Variants in EMC1 observed in about 807,000 individuals in gnomAD.
EMC1 encodes the protein ER membrane protein complex subunit 1, also known as KIAA0090.
A neutral mutation model predicts 128.8 loss-of-function variants in EMC1; 103 were observed. That is an observed-to-expected ratio of 0.80 (90% CI 0.68 to 0.94). The LOEUF (loss-of-function observed/expected upper bound fraction) is 0.94. Among genes scored for constraint, EMC1 ranks in the 40% least tolerant of loss-of-function variants. EMC1 has a pLI of 0.00. For missense variants in EMC1, 1,083 were observed against 1,250.6 expected, an observed-to-expected ratio of 0.87 and a Z score of 2.02; for synonymous variants, 442 against 490.4, an observed-to-expected ratio of 0.90 and a Z score of 1.30.
Position 19,235,179 on chromosome 1 carries a change from GGGGAGGTCCACCATCTCTA to G in EMC1, c.1364_1382del (p.Leu455ProfsTer2). 1 of 1,614,074 alleles carries G rather than the reference GGGGAGGTCCACCATCTCTA, an allele frequency of 6.2e-7. No homozygotes were observed. The highest frequency in any genetic ancestry group is 8.5e-7 in the Non-Finnish European group (1 of 1,179,974). On this transcript the variant is annotated frameshift_variant, in exon 13 of 23. Coordinates refer to ENST00000477853, the MANE Select transcript of EMC1 (RefSeq NM_015047.3). LOFTEE classifies it high-confidence loss of function. ...CCAGCTCGGCCTGTGCCCCAGTCAG[GGGGAGGTCCACCATCTCTA>G]GGCACACCACTTCTGCCAGGGACTC...
chr1:19,244,125 G>A (rs1349232051), intron 2 of EMC1, 110 bp from the exon 3 acceptor site: 36 of 1,067,428 alleles, frequency 3.4e-5, no homozygotes, highest in South Asian at 3.1e-4. Flanking sequence ...ATTTTATCTC[G>A]AGGGAGTGAA....
At position 19,243,984 on chromosome 1, in the gene EMC1, T is replaced by C; in HGVS notation, c.252A>G (p.Glu84=). The C allele has an allele frequency of 6.2e-7, 1 of 1,614,132 alleles. No homozygotes were observed. Among genetic ancestry groups the C allele is most frequent in the Non-Finnish European group, 8.5e-7 (1 of 1,180,040 alleles). ...LWRHVDKGTA[E]GAVDAMLLHG... is the part of the protein sequence containing the mutation. ...GCAGCAGCATGGCATCCACAGCCCC[T>C]TCTGCCGTGCCCTTGTCAACATGGC... The change falls in exon 3 of 23, where the codon GAA becomes GAG. Residue 84 remains glutamate, a synonymous_variant. Transcript: ENST00000477853.
Position 19,244,023 on chromosome 1 carries a change from A to T in EMC1, c.221-8T>A, listed in dbSNP as rs2093620421. 6.2e-7 allele frequency: 1 copy of T among 1,613,980 alleles called. No homozygotes were observed. Among genetic ancestry groups the T allele is most frequent in the Non-Finnish European group, 8.5e-7 (1 of 1,179,912 alleles). ...TGTCAACATGGCGCCACACTGAGAG[A>T]CATGAAAGTTAGACATTACTATGAA... is the stretch of plus-strand genomic sequence containing the variant. On this transcript the variant is annotated splice_polypyrimidine_tract_variant and splice_region_variant and intron_variant, in intron 2 of 22. Transcript: ENST00000477853.
At chr1:19,245,613 G>A (rs1199745473) in intron 1 of EMC1, among the ~76,000 whole-genome samples, 1 of 141,908 alleles carries the variant, frequency 7.0e-6, no homozygotes, top group African/African-American at 2.8e-5. Context: ...CACCCAAAAG[G>A]GCACCTTACC....
At chr1:19,239,582 T>C (rs1483573102) in intron 8 of EMC1, 4 of 586,028 alleles carry the variant, frequency 6.8e-6, no homozygotes. Context: ...TGTCCCCATA[T>C]TTCCTTTGGA....
chr1:19,217,753 C>T lies in EMC1; in HGVS notation c.*1550G>A, dbSNP rs1384069119. 2.6e-5 allele frequency: 4 copies of T among 152,150 alleles called. No individual in the cohort carries two copies. In the East Asian group the frequency reaches 5.8e-4, roughly 22 times the overall value. The allele number at this position is 152,150 out of a possible 1,614,324, so 9.4% of individuals were successfully genotyped here. On this transcript the variant is annotated 3_prime_UTR_variant, in exon 23 of 23. Coordinates refer to ENST00000477853, the MANE Select transcript of EMC1 (RefSeq NM_015047.3). Reference sequence around the variant, plus strand: ...TTTTTTTTAACTTGTACTTAACTCTCTTCTCCCAGGTTATGTTAAAATATG... The same window carrying T: ...TTTTTTTTAACTTGTACTTAACTCTTTTCTCCCAGGTTATGTTAAAATATG...
chr1:19,244,688 C>G (rs182507300), intron 2 of EMC1: 1 of 456,916 alleles, frequency 2.2e-6, no homozygotes, highest in Non-Finnish European at 4.0e-6. Flanking sequence ...TAAGGACACT[C>G]AGGATTCAAG....
intron 18 of EMC1, among the ~76,000 whole-genome samples, chr1:19,226,924 G>C (rs2093478982): frequency 6.6e-6 from 1 of 152,044 alleles, no homozygotes; most frequent in Non-Finnish European, 1.5e-5. Flanking sequence ...TTACTTGGGA[G>C]ACTGAGGTGA....
intron 4 of EMC1, 83 bp from the exon 5 acceptor site, chr1:19,242,556 T>C: frequency 6.8e-7 from 1 of 1,467,736 alleles, no homozygotes; most frequent in Non-Finnish European, 9.3e-7. Flanking sequence ...TACCCACTGT[T>C]GCTTAGTGGG....
At chr1:19,226,779 G>A (rs111820935) in intron 18 of EMC1, among the ~76,000 whole-genome samples, 212 of 148,928 alleles carry the variant, frequency 1.4e-3, no homozygotes, top group Non-Finnish European at 2.7e-3. Flanking sequence ...CAGCCATGTT[G>A]CCCAAGCTGG....
intron 1 of EMC1, among the ~76,000 whole-genome samples, chr1:19,245,548 A>G (rs888024750): frequency 6.6e-6 from 1 of 152,156 alleles, no homozygotes; most frequent in African/African-American, 2.4e-5. Flanking sequence ...CTCCTAATAG[A>G]TAATACTAAC....
At position 19,235,688 on chromosome 1, in the gene EMC1, G is replaced by A. The variant is rs555049895; in HGVS notation, c.1310-436C>T. 9.7e-4 allele frequency among the ~76,000 whole-genome samples: 148 copies of A among 152,112 alleles called. 3 individuals are homozygous for A. Among genetic ancestry groups the A allele is most frequent in the Admixed American group, 9.4e-3 (143 of 15,266 alleles). On this transcript the variant is annotated intron_variant, in intron 12 of 22. Transcript: ENST00000477853. ...TGCACTCCAGCCTGGGCGACACAGCGAGACTCCGTCTTGAAATAAAATAAA... is the reference window on the plus strand; with the variant it reads ...TGCACTCCAGCCTGGGCGACACAGCAAGACTCCGTCTTGAAATAAAATAAA...
rs751831249 is a variant in EMC1 at position 19,219,558 on chromosome 1, G to A, written c.2802+11C>T. 1 of 1,614,068 alleles carries A rather than the reference G, an allele frequency of 6.2e-7. No individual in the cohort carries two copies. Among genetic ancestry groups the A allele is most frequent in the South Asian group, 1.1e-5 (1 of 91,076 alleles). ...CAAGGGTGAAATAGGGCAGCTGTGGGCTCTACTCACCAAACAAGTGGACTC... is the reference window on the plus strand; with the variant it reads ...CAAGGGTGAAATAGGGCAGCTGTGGACTCTACTCACCAAACAAGTGGACTC... On this transcript the variant is annotated intron_variant, in intron 22 of 22. Transcript: ENST00000477853.
In EMC1 at chr1:19,219,652, C is replaced by T; in HGVS notation, c.2719G>A (p.Glu907Lys). The T allele has an allele frequency of 2.5e-6, 4 of 1,614,074 alleles. No individual in the cohort carries two copies. Among genetic ancestry groups the T allele is most frequent in the Non-Finnish European group, 3.4e-6 (4 of 1,180,008 alleles). Residue 907 changes from glutamate (E) to lysine (K), a missense_variant, in exon 22 of 23, where the codon GAG becomes AAG. Coordinates refer to ENST00000477853, the MANE Select transcript of EMC1 (RefSeq NM_015047.3). ...GTCTGGTTATAGTTGATGAATCGCTCTGCGTGTATCTGTACATCTGGAGAA... is the reference window on the plus strand; with the variant it reads ...GTCTGGTTATAGTTGATGAATCGCTTTGCGTGTATCTGTACATCTGGAGAA... Reference protein sequence around the residue: ...PYSPDVQIHAERFINYNQTVS... With the variant: ...PYSPDVQIHAKRFINYNQTVS...
rs572619113 is a variant in EMC1 at position 19,240,683 on chromosome 1, C to T, written c.637-237G>A. 35 of 573,556 alleles carry T rather than the reference C, an allele frequency of 6.1e-5. No homozygotes were observed. The East Asian group carries it at 8.5e-4, about 14-fold the overall frequency. 35.5% of individuals were successfully genotyped at this position (573,556 alleles called of 1,614,324 possible). ...TTTCTGGTCACTGGAAAAATATATC[C>T]GATAATTTTAAATACCTGGCACTTC... On this transcript the variant is annotated intron_variant, in intron 6 of 22. Coordinates refer to ENST00000477853, the MANE Select transcript of EMC1 (RefSeq NM_015047.3).
chr1:19,243,752 G>T (rs754245432), intron 3 of EMC1, 45 bp from the exon 4 acceptor site: 1 of 1,595,320 alleles, frequency 6.3e-7, no homozygotes, highest in African/African-American at 1.3e-5. Context: ...CACTTGCTCT[G>T]TCGCTTCCTA....
At position 19,222,610 on chromosome 1, in the gene EMC1, C is replaced by T; in HGVS notation, c.2587+14G>A. ...AGGGAACCCAGCCATCCCAGAGGCT[C>T]CCCAGTCACTCACTCAGCAGGTGTC... On this transcript the variant is annotated intron_variant, in intron 20 of 22. Coordinates refer to ENST00000477853, the MANE Select transcript of EMC1 (RefSeq NM_015047.3). The T allele has an allele frequency of 6.2e-7, 1 of 1,612,060 alleles. No homozygotes were observed. Among genetic ancestry groups the T allele is most frequent in the South Asian group, 1.1e-5 (1 of 90,938 alleles).
rs771325376 is a variant in EMC1, at chr1:19,222,758, T to A, written c.2453A>T (p.Asn818Ile). ...GTCCAGGGAGCTGAAGGCGGTGGCG[T>A]TGTATTGCTCAGTGCCCTCATAGAG... ...LELYEGTEQY[N>I]ATAFSSLDRP... The change falls in exon 20 of 23, where the codon AAC becomes ATC. Residue 818 changes from asparagine to isoleucine, a missense_variant. Asn to Ile is a moderately radical substitution (Grantham distance 149, BLOSUM62 -3). This residue lies in a region of EMC1 where 527 missense variants were observed against 644.1 expected (regional missense o/e 0.82). Transcript: ENST00000477853. 6.2e-7 allele frequency: 1 copy of A among 1,614,006 alleles called. No individual in the cohort carries two copies. The highest frequency in any genetic ancestry group is 1.7e-5 in the Admixed American group (1 of 60,018).
At chr1:19,222,181 C>G (rs1419223529) in intron 20 of EMC1, among the ~76,000 whole-genome samples, 1 of 152,002 alleles carries the variant, frequency 6.6e-6, no homozygotes, top group East Asian at 1.9e-4. Flanking sequence ...GCCAGGCAGC[C>G]AGGCACGATG....
Sources: allele counts gnomAD v4.1 joint callset (sites outside exome capture counted in the v4.1 genomes callset), GRCh38; gene constraint gnomAD v4.1.1; regional missense constraint gnomAD v4.1.1; transcripts MANE v1.5; gene names NCBI Gene and HGNC (gene_info 2026-07-23, HGNC 2026-07-21).